Variants in SLC6A17 observed in about 807,000 individuals in gnomAD.
SLC6A17 encodes the protein sodium-dependent neutral amino acid transporter SLC6A17.
SLC6A17 carries 21 observed loss-of-function variants against 64.5 expected under a neutral mutation model. The ratio of observed to expected loss-of-function variants is 0.33; its 90% CI spans 0.23 to 0.47. The LOEUF (loss-of-function observed/expected upper bound fraction) is 0.47. SLC6A17 is among the 20% of genes least tolerant of loss of function. The probability of loss-of-function intolerance (pLI) is 1.00; values close to 1 mark genes in which losing one functional copy is unlikely to be tolerated. For missense variants in SLC6A17, 682 were observed against 963.2 expected, an observed-to-expected ratio of 0.71 and a Z score of 3.86; for synonymous variants, 372 against 399.5, an observed-to-expected ratio of 0.93 and a Z score of 0.82.
At chr1:110,180,321 C>G (rs1384946194) in intron 6 of SLC6A17, among the ~76,000 whole-genome samples, 1 of 152,180 alleles carries the variant, frequency 6.6e-6, no homozygotes, top group African/African-American at 2.4e-5. Context: ...TTCTTATATT[C>G]CTGGGAATGG....
At chr1:110,159,364 T>G (rs1039818844) in intron 1 of SLC6A17, among the ~76,000 whole-genome samples, 10 of 152,238 alleles carry the variant, frequency 6.6e-5, no homozygotes, top group African/African-American at 2.4e-4. Flanking sequence ...AAGATCTGTT[T>G]GCACTGGCCA....
At chr1:110,159,840 G>A (rs112074502) in intron 1 of SLC6A17, among the ~76,000 whole-genome samples, 3,497 of 152,146 alleles carry the variant, frequency 0.023, 142 homozygotes, top group African/African-American at 0.078. Context: ...AAAACACATC[G>A]GACTCCAGGA....
rs1451109696 is a variant in SLC6A17 at position 110,194,576 on chromosome 1, C to T, written c.1300-3C>T. The T allele has an allele frequency of 6.2e-7, 1 of 1,612,580 alleles. No homozygotes were observed. The highest frequency in any genetic ancestry group is 2.2e-5 in the East Asian group (1 of 44,838). On this transcript the variant is annotated splice_region_variant and splice_polypyrimidine_tract_variant and intron_variant, in intron 8 of 11. Transcript: ENST00000331565. ...CAGGCCCTGCTTTCCACCCCACCTT[C>T]AGTCCGTGCAGGGCACAGGCCTGGC... is the stretch of plus-strand genomic sequence containing the variant.
At chr1:110,193,108 T>A (rs1656874452) in intron 8 of SLC6A17, among the ~76,000 whole-genome samples, 1 of 152,236 alleles carries the variant, frequency 6.6e-6, no homozygotes, top group Non-Finnish European at 1.5e-5. Context: ...TCAAGACAGC[T>A]CTATGAGTTG....
chr1:110,168,589 A>G (rs1656136439), intron 2 of SLC6A17, among the ~76,000 whole-genome samples: 1 of 152,254 alleles, frequency 6.6e-6, no homozygotes, highest in Non-Finnish European at 1.5e-5. Context: ...GAGTTGATGT[A>G]AGACTAGCCC....
intron 6 of SLC6A17, among the ~76,000 whole-genome samples, chr1:110,186,167 G>T (rs1656679868): frequency 6.6e-6 from 1 of 152,090 alleles, no homozygotes; most frequent in Admixed American, 6.5e-5. Flanking sequence ...CAAAGTTGTT[G>T]AATATTCCAT....
chr1:110,195,260 A>G (rs1236367630), intron 9 of SLC6A17, among the ~76,000 whole-genome samples: 1 of 152,246 alleles, frequency 6.6e-6, no homozygotes, highest in East Asian at 1.9e-4. Flanking sequence ...GAGGTGGAGA[A>G]AAAGACTGGT....
chr1:110,189,494 C>G (rs541832753), intron 6 of SLC6A17, among the ~76,000 whole-genome samples: 1 of 152,322 alleles, frequency 6.6e-6, no homozygotes, highest in Admixed American at 6.5e-5. Context: ...CAGCCTGGAC[C>G]CCAGAAGCCG....
intron 1 of SLC6A17, among the ~76,000 whole-genome samples, chr1:110,161,218 C>G (rs1399483325): frequency 6.6e-6 from 1 of 152,170 alleles, no homozygotes; most frequent in East Asian, 1.9e-4. Context: ...CTGTTTTGGG[C>G]TCAGTAAAAG....
chr1:110,154,344 A>G (rs746062723), intron 1 of SLC6A17, among the ~76,000 whole-genome samples: 3 of 152,346 alleles, frequency 2.0e-5, no homozygotes, highest in Non-Finnish European at 2.9e-5. Context: ...CCTAACCTCT[A>G]TGTGATACTT....
At chr1:110,195,534 C>T in intron 9 of SLC6A17, 52 bp from the exon 10 acceptor site, 3 of 1,603,748 alleles carry the variant, frequency 1.9e-6, no homozygotes, top group Non-Finnish European at 8.5e-7. Context: ...ACCCCCAGGG[C>T]CCTGCCCACC....
chr1:110,182,207 T>G (rs768975343), intron 6 of SLC6A17, among the ~76,000 whole-genome samples: 10 of 152,084 alleles, frequency 6.6e-5, no homozygotes, highest in Non-Finnish European at 1.3e-4. Flanking sequence ...GCTGTTGGAT[T>G]GGTTGTGAGG....
Position 110,176,857 on chromosome 1 carries a change from C to T in SLC6A17, c.864+118C>T, listed in dbSNP as rs563267006. The T allele has an allele frequency of 2.0e-3, 1,787 of 885,874 alleles. 18 individuals are homozygous for T. Among genetic ancestry groups the T allele is most frequent in the South Asian group, 0.011 (656 of 62,038 alleles). The allele number at this position is 885,874 out of a possible 1,614,324, so 54.9% of individuals were successfully genotyped here. ...CGAACACCTGCTATGTGTTGGGTAT[C>T]GTACCAGGCCCTGGAGAGATGCACA... On this transcript the variant is annotated intron_variant, in intron 6 of 11. Transcript: ENST00000331565.
chr1:110,151,379 C>T (rs1378923353), intron 1 of SLC6A17, among the ~76,000 whole-genome samples: 1 of 152,270 alleles, frequency 6.6e-6, no homozygotes, highest in African/African-American at 2.4e-5. Flanking sequence ...AGAACTGTCA[C>T]GCCCGAGATG....
intron 1 of SLC6A17, among the ~76,000 whole-genome samples, chr1:110,153,837 G>T (rs1396659638): frequency 6.6e-6 from 1 of 152,134 alleles, no homozygotes; most frequent in African/African-American, 2.4e-5. Flanking sequence ...TTGCTCCCAG[G>T]CTGAGCTACA....
Sources: allele counts gnomAD v4.1 joint callset (sites outside exome capture counted in the v4.1 genomes callset), GRCh38; gene constraint gnomAD v4.1.1; transcripts MANE v1.5; gene names NCBI Gene and HGNC (gene_info 2026-07-23, HGNC 2026-07-21).